The following FOCAD variants were observed in gnomAD, a reference collection of about 807,000 sequenced individuals.
FOCAD encodes the protein KIAA1797.
In FOCAD, 198 loss-of-function variants were observed where a neutral mutation model predicts 225.6. The ratio of observed to expected loss-of-function variants is 0.88; its 90% CI spans 0.78 to 0.99. FOCAD has a LOEUF of 0.99. FOCAD is among the 50% of genes least tolerant of loss of function. The pLI is 0.00. For synonymous variants in FOCAD, 897 were observed against 755.0 expected (o/e 1.19, Z -3.08); for missense variants, 2,713 against 2,123.6 (o/e 1.28, Z -5.46).
At chr9:20,764,799 A>G (rs1376233820) in intron 6 of FOCAD, 70 bp from the exon 7 acceptor site, 3 of 1,166,038 alleles carry the variant, frequency 2.6e-6, no homozygotes, top group South Asian at 1.4e-5. Flanking sequence ...CTATAAGTTG[A>G]TATTTGCCAC....
At chr9:20,990,968 A>G (rs968881071) in intron 42 of FOCAD, among the ~76,000 whole-genome samples, 1 of 152,100 alleles carries the variant, frequency 6.6e-6, no homozygotes, top group Non-Finnish European at 1.5e-5. Context: ...GTCTGATAGT[A>G]TCACCCTTGC....
At chr9:20,755,944 A>C (rs1829004528) in intron 5 of FOCAD, among the ~76,000 whole-genome samples, 1 of 151,948 alleles carries the variant, frequency 6.6e-6, no homozygotes, top group South Asian at 2.1e-4. Flanking sequence ...ACAGGTGTGA[A>C]TCACTGCTAC....
At chr9:20,690,506 C>T (rs771373256) in intron 1 of FOCAD, among the ~76,000 whole-genome samples, 1 of 152,108 alleles carries the variant, frequency 6.6e-6, no homozygotes, top group Non-Finnish European at 1.5e-5. Context: ...AAAAATTACT[C>T]TTACTAAAAG....
chr9:20,779,059 T>C (rs1819088833), intron 9 of FOCAD, among the ~76,000 whole-genome samples: 1 of 152,214 alleles, frequency 6.6e-6, no homozygotes, highest in Non-Finnish European at 1.5e-5. Context: ...TTCAACATTG[T>C]ACAGCAAAAT....
chr9:20,927,344 T>G (rs1401409368), intron 26 of FOCAD, among the ~76,000 whole-genome samples: 2 of 152,192 alleles, frequency 1.3e-5, no homozygotes, highest in African/African-American at 4.8e-5. Context: ...GCTCCCCACT[T>G]CTTGTTTTTG....
intron 15 of FOCAD, among the ~76,000 whole-genome samples, chr9:20,855,027 A>G (rs1828025926): frequency 6.6e-6 from 1 of 151,806 alleles, no homozygotes; most frequent in South Asian, 2.1e-4. Context: ...AAAGAATGGC[A>G]ATAGACAGCT....
At chr9:20,691,815 C>T (rs1466927689) in intron 1 of FOCAD, among the ~76,000 whole-genome samples, 10 of 150,056 alleles carry the variant, frequency 6.7e-5, no homozygotes, top group Non-Finnish European at 1.3e-4. Context: ...CCTCTGTCAC[C>T]CAGGCTGGAG....
intron 10 of FOCAD, among the ~76,000 whole-genome samples, chr9:20,784,510 T>C (rs1181071285): frequency 2.6e-5 from 4 of 152,026 alleles, no homozygotes; most frequent in Admixed American, 2.0e-4. Context: ...TAAGGGTGGA[T>C]GGGTGAGATG....
chr9:20,945,767 T>G lies in FOCAD; in HGVS notation c.3556-934T>G, dbSNP rs576623362. Among the ~76,000 whole-genome samples the G allele has an allele frequency of 5.9e-5, 9 of 151,636 alleles. No homozygotes were observed. In the South Asian group the frequency reaches 8.4e-4, roughly 14 times the overall value. On this transcript the variant is annotated intron_variant, in intron 29 of 43. Coordinates refer to ENST00000338382, the MANE Select transcript of FOCAD (RefSeq NM_001375567.1). Reference sequence around the variant, plus strand: ...GATTTATAAGGCCTTAAGCAAGCAGTTTTTTTTTCTCCCCTCTGATGTTTT... The same window carrying G: ...GATTTATAAGGCCTTAAGCAAGCAGGTTTTTTTTCTCCCCTCTGATGTTTT...
intron 2 of FOCAD, among the ~76,000 whole-genome samples, chr9:20,677,090 C>G (rs1822257246): frequency 1.3e-5 from 2 of 152,104 alleles, no homozygotes; most frequent in East Asian, 1.9e-4. Context: ...ATCTATGTAT[C>G]TATGGTCAAC....
chr9:20,978,387 A>G lies in FOCAD; in HGVS notation c.4310A>G (p.Gln1437Arg), dbSNP rs1270677406. The G allele has an allele frequency of 6.2e-7, 1 of 1,612,048 alleles. No individual in the cohort carries two copies. Among genetic ancestry groups the G allele is most frequent in the Admixed American group, 1.7e-5 (1 of 59,810 alleles). Reference sequence around the variant, plus strand: ...CTTGAAATTATGGTGACCCAGGCACAGTCATCCCAGAATGCAGCTGCACTA... The same window carrying G: ...CTTGAAATTATGGTGACCCAGGCACGGTCATCCCAGAATGCAGCTGCACTA... ...LCLEIMVTQAQSSQNAAALLG... is the reference protein window; with the variant it reads ...LCLEIMVTQARSSQNAAALLG... The change falls in exon 37 of 44, where the codon CAG (glutamine) becomes CGG (arginine). Residue 1437 changes from glutamine (Q) to arginine (R), a missense_variant. Gln to Arg is a conservative substitution (Grantham distance 43, BLOSUM62 1). Coordinates refer to ENST00000338382, the MANE Select transcript of FOCAD (RefSeq NM_001375567.1).
chr9:20,943,827 C>T (rs1431312696), intron 28 of FOCAD, among the ~76,000 whole-genome samples: 1 of 152,034 alleles, frequency 6.6e-6, no homozygotes, highest in African/African-American at 2.4e-5. Flanking sequence ...AGCTTTTTTT[C>T]TTTAAAGTAA....
chr9:20,814,786 C>G (rs972038862), intron 11 of FOCAD, among the ~76,000 whole-genome samples: 1 of 152,114 alleles, frequency 6.6e-6, no homozygotes, highest in East Asian at 1.9e-4. Context: ...ATAAACTACT[C>G]TTTTACTTCT....
intron 12 of FOCAD, 56 bp from the exon 13 acceptor site, chr9:20,820,268 C>T: frequency 6.0e-6 from 8 of 1,340,010 alleles, no homozygotes; most frequent in Non-Finnish European, 8.4e-6. Flanking sequence ...TTTTGGTAAC[C>T]TCGAGGTTGT....
chr9:20,778,952 C>T (rs1223296097), intron 9 of FOCAD, among the ~76,000 whole-genome samples, 184 bp downstream of exon 9: 1 of 152,032 alleles, frequency 6.6e-6, no homozygotes, highest in Non-Finnish European at 1.5e-5. Flanking sequence ...TTTAATATAA[C>T]ATAATTTACC....
At chr9:20,821,995 CT>C (rs1358506738) in intron 14 of FOCAD, among the ~76,000 whole-genome samples, 886 of 18,714 alleles carry the variant, frequency 0.047, 12 homozygotes, top group African/African-American at 0.15. Context: ...GTAAAAGTTA[CT>C]AAAAAAAAAA....
intron 5 of FOCAD, among the ~76,000 whole-genome samples, chr9:20,750,709 T>C (rs1828462888): frequency 6.6e-6 from 1 of 152,212 alleles, no homozygotes; most frequent in Admixed American, 6.6e-5. Flanking sequence ...TGTGGGCTCT[T>C]CCTGGACATA....
chr9:20,715,786 C>G (rs982861683), intron 2 of FOCAD, among the ~76,000 whole-genome samples: 1 of 151,766 alleles, frequency 6.6e-6, no homozygotes, highest in African/African-American at 2.4e-5. Context: ...ATATCCTACC[C>G]CTTATATAGA....
chr9:20,820,220 T>G, intron 12 of FOCAD, 104 bp from the exon 13 acceptor site: 1 of 770,072 alleles, frequency 1.3e-6, no homozygotes, highest in Non-Finnish European at 2.1e-6. Context: ...CAAGCTTTCT[T>G]CTCAGTCTTC....
Sources: allele counts gnomAD v4.1 joint callset (sites outside exome capture counted in the v4.1 genomes callset), GRCh38; gene constraint gnomAD v4.1.1; transcripts MANE v1.5; gene names NCBI Gene and HGNC (gene_info 2026-07-23, HGNC 2026-07-21).